Variants in SYT1 observed in about 807,000 individuals in gnomAD.
SYT1 encodes synaptotagmin 1.
Under a neutral mutation model 44.8 loss-of-function variants are expected in SYT1, and 8 were observed. The observed-to-expected ratio is 0.18, with a 90% confidence interval of 0.10 to 0.32. The LOEUF (loss-of-function observed/expected upper bound fraction) is 0.32. SYT1 is among the 10% of genes least tolerant of loss of function. SYT1 has a pLI of 1.00. For synonymous variants in SYT1, 154 were observed against 188.8 expected (o/e 0.82, Z 1.51); for missense variants, 286 against 509.3 (o/e 0.56, Z 4.22).
At chr12:79,197,192 C>T (rs1873513169) in intron 3 of SYT1, among the ~76,000 whole-genome samples, 2 of 152,102 alleles carry the variant, frequency 1.3e-5, no homozygotes, top group Admixed American at 1.3e-4. Flanking sequence ...CTTTGGGGTC[C>T]ACATTTAATT....
At chr12:79,034,021 G>C (rs969289901) in intron 2 of SYT1, among the ~76,000 whole-genome samples, 1 of 151,412 alleles carries the variant, frequency 6.6e-6, no homozygotes, top group Non-Finnish European at 1.5e-5. Flanking sequence ...TATGACAAAT[G>C]TTTTGAACTT....
At chr12:78,866,769 T>C (rs961272070) in intron 1 of SYT1, among the ~76,000 whole-genome samples, 3 of 151,976 alleles carry the variant, frequency 2.0e-5, no homozygotes, top group Non-Finnish European at 4.4e-5. Flanking sequence ...AAATGCAGAG[T>C]CTTACTTTTT....
At chr12:79,356,468 A>G (rs573457043) in intron 9 of SYT1, among the ~76,000 whole-genome samples, 1 of 152,226 alleles carries the variant, frequency 6.6e-6, no homozygotes, top group South Asian at 2.1e-4. Context: ...ATGGCCTGAA[A>G]AAACAAGTCT....
At chr12:79,045,802 A>G (rs557309961) in intron 2 of SYT1, 1 of 152,352 alleles carries the variant, frequency 6.6e-6, no homozygotes, top group South Asian at 2.1e-4. Context: ...CTTTCACTGC[A>G]TCCCTTTGGG....
intron 2 of SYT1, among the ~76,000 whole-genome samples, chr12:78,986,607 C>T (rs1376487526): frequency 6.6e-6 from 1 of 151,820 alleles, no homozygotes; most frequent in East Asian, 1.9e-4. Context: ...TAATGAAAAT[C>T]GCATTTCTCC....
At chr12:79,117,482 A>T (rs575107786) in intron 3 of SYT1, among the ~76,000 whole-genome samples, 1 of 151,066 alleles carries the variant, frequency 6.6e-6, no homozygotes, top group South Asian at 2.1e-4. Context: ...ACTCAAATCA[A>T]GGAAAAAGCT....
At position 79,145,396 on chromosome 12, in the gene SYT1, A is replaced by G. The variant is rs576060682; in HGVS notation, c.-17-72107A>G. On this transcript the variant is annotated intron_variant, in intron 3 of 10. Coordinates refer to ENST00000261205, the MANE Select transcript of SYT1 (RefSeq NM_005639.3). Reference sequence around the variant, plus strand: ...TTAAAGATCATAATCTTCATAACTCATCAGAAATATTTAAATTAATATTTA... The same window carrying G: ...TTAAAGATCATAATCTTCATAACTCGTCAGAAATATTTAAATTAATATTTA... 3.5e-4 allele frequency among the ~76,000 whole-genome samples: 53 copies of G among 152,246 alleles called. 1 individual carries two copies. Among genetic ancestry groups the G allele is most frequent in the East Asian group, 1.9e-4 (1 of 5,190 alleles).
intron 3 of SYT1, among the ~76,000 whole-genome samples, chr12:79,196,653 G>A (rs1036663669): frequency 5.3e-5 from 8 of 152,070 alleles, no homozygotes; most frequent in Admixed American, 3.3e-4. Flanking sequence ...TCAACACAAC[G>A]GAAGAAAGCT....
At chr12:78,886,560 T>C (rs1010054198) in intron 1 of SYT1, among the ~76,000 whole-genome samples, 4 of 152,004 alleles carry the variant, frequency 2.6e-5, no homozygotes, top group African/African-American at 9.7e-5. Context: ...AAAAGATGTT[T>C]GTAACCATAT....
At chr12:79,431,963 T>G (rs1449183616) in intron 9 of SYT1, among the ~76,000 whole-genome samples, 2 of 152,218 alleles carry the variant, frequency 1.3e-5, no homozygotes, top group South Asian at 4.1e-4. Flanking sequence ...CTCCTTGATG[T>G]GCAGTATGCA....
intron 1 of SYT1, among the ~76,000 whole-genome samples, chr12:78,919,096 T>A (rs890103120): frequency 1.3e-5 from 2 of 152,048 alleles, no homozygotes; most frequent in Non-Finnish European, 2.9e-5. Flanking sequence ...TTTTCATGAT[T>A]ATTAATTCCT....
At chr12:79,167,424 G>A (rs575428992) in intron 3 of SYT1, among the ~76,000 whole-genome samples, 2 of 152,104 alleles carry the variant, frequency 1.3e-5, no homozygotes, top group South Asian at 4.1e-4. Flanking sequence ...GTGTTTGTGT[G>A]TGCTTGTGTG....
chr12:79,309,356 T>C lies in SYT1; in HGVS notation c.810+9805T>C, dbSNP rs181500559. Among the ~76,000 whole-genome samples the C allele has an allele frequency of 4.6e-4, 70 of 152,294 alleles. No individual in the cohort carries two copies. The East Asian group carries it at 0.012, about 26-fold the overall frequency. On this transcript the variant is annotated intron_variant, in intron 8 of 10. Transcript: ENST00000261205. ...GGGAATCTTGAATTCTGACCTCCCA[T>C]GTTCTATTTTGAAATAACCACTTTA...
chr12:79,256,624 G>A (rs918158792), intron 4 of SYT1, among the ~76,000 whole-genome samples: 1 of 151,466 alleles, frequency 6.6e-6, no homozygotes, highest in African/African-American at 2.4e-5. Context: ...AAAGGGGTTG[G>A]TCAATAACTC....
chr12:78,956,007 GGT>G (rs1879196610), intron 1 of SYT1, among the ~76,000 whole-genome samples: 1 of 151,970 alleles, frequency 6.6e-6, no homozygotes, highest in Non-Finnish European at 1.5e-5. Context: ...AAGAGGTCAA[GGT>G]GTGTGGGTAA....
At chr12:78,897,433 G>GGCTCAAA in intron 1 of SYT1, among the ~76,000 whole-genome samples, 1 of 151,686 alleles carries the variant, frequency 6.6e-6, no homozygotes, top group South Asian at 2.1e-4. Flanking sequence ...TAACAAATTA[G>GGCTCAAA]GCTCAAATAC....
intron 2 of SYT1, among the ~76,000 whole-genome samples, chr12:78,979,808 G>T (rs1030500445): frequency 6.6e-5 from 10 of 151,812 alleles, no homozygotes; most frequent in African/African-American, 1.7e-4. Flanking sequence ...ATGGTAAAAG[G>T]TATTAAATTT....
chr12:79,415,872 G>A (rs896552685), intron 9 of SYT1, among the ~76,000 whole-genome samples: 2 of 152,066 alleles, frequency 1.3e-5, no homozygotes, highest in Non-Finnish European at 2.9e-5. Context: ...TGAGTAATGC[G>A]GCCACAGAAC....
intron 1 of SYT1, among the ~76,000 whole-genome samples, chr12:78,974,912 T>C (rs1030376489): frequency 6.6e-6 from 1 of 152,054 alleles, no homozygotes; most frequent in Non-Finnish European, 1.5e-5. Flanking sequence ...TGATCCTCCT[T>C]GCATAGACCC....
Sources: gnomAD v4.1 joint callset for allele counts (sites outside exome capture counted in the v4.1 genomes callset) on GRCh38, gnomAD v4.1.1 for gene constraint, MANE v1.5 for transcripts, NCBI Gene and HGNC (gene_info 2026-07-23, HGNC 2026-07-21) for gene names.